TENM3: variants seen among roughly 807,000 people sequenced by gnomAD.
TENM3 encodes the protein teneurin transmembrane protein 3.
In TENM3, 63 loss-of-function variants were observed where a neutral mutation model predicts 255.1. The observed-to-expected ratio is 0.25, with a 90% CI of 0.20 to 0.30. The LOEUF (loss-of-function observed/expected upper bound fraction) is 0.30, where lower values mean the gene tolerates loss of function less well. TENM3 is among the 10% of genes least tolerant of loss of function. The probability of loss-of-function intolerance (pLI) is 1.00; values close to 1 mark genes in which losing one functional copy is unlikely to be tolerated. For missense variants in TENM3, 2,929 were observed against 3,461.1 expected, an observed-to-expected ratio of 0.85 and a Z score of 3.86; for synonymous variants, 1,306 against 1,322.3, an observed-to-expected ratio of 0.99 and a Z score of 0.27.
chr4:181,563,315 T>C, the TENM3 span, among the ~76,000 whole-genome samples: 711 of 152,318 alleles, frequency 4.7e-3, 12 homozygotes, highest in South Asian at 0.055. Context: ...CTCTGATCTC[T>C]GGCTTCATCT....
At chr4:182,283,686 G>A (rs777575044) in intron 1 of TENM3, among the ~76,000 whole-genome samples, 7 of 152,132 alleles carry the variant, frequency 4.6e-5, no homozygotes, top group Non-Finnish European at 8.8e-5. Flanking sequence ...AAAAAGAAGC[G>A]AATCCTTTGA....
intron 3 of TENM3, among the ~76,000 whole-genome samples, chr4:182,439,294 A>T (rs1561447854): frequency 6.6e-6 from 1 of 152,104 alleles, no homozygotes; most frequent in Non-Finnish European, 1.5e-5. Flanking sequence ...CTCTTCTCCT[A>T]TATTACTTAC....
At chr4:181,486,956 T>TA in the TENM3 span, among the ~76,000 whole-genome samples, 1 of 152,134 alleles carries the variant, frequency 6.6e-6, no homozygotes, top group Non-Finnish European at 1.5e-5. Context: ...TGTTTGTGAG[T>TA]AAAAATTTAA....
the TENM3 span, chr4:182,012,647 T>G: frequency 6.6e-6 from 1 of 152,272 alleles, no homozygotes. Flanking sequence ...AAAGTTTTCT[T>G]TAGCAATTTC....
Position 182,628,955 on chromosome 4 carries a change from A to C in TENM3, c.988+66A>C. ...GGTGTTACATTGTTTTATTACTTGT[A>C]TTTATTCATTTGGTCTAGAAATATA... On this transcript the variant is annotated intron_variant, in intron 5 of 27. Transcript: ENST00000511685. 3.2e-6 allele frequency: 3 copies of C among 931,150 alleles called. No individual in the cohort carries two copies. The East Asian group carries it at 7.9e-5, about 25-fold the overall frequency. 57.7% of individuals were successfully genotyped at this position (931,150 alleles called of 1,614,324 possible).
the TENM3 span, among the ~76,000 whole-genome samples, chr4:181,594,108 A>G: frequency 6.6e-6 from 1 of 152,118 alleles, no homozygotes; most frequent in East Asian, 1.9e-4. Flanking sequence ...TGTAAGAAGA[A>G]CCATTTGATT....
At chr4:181,850,548 C>T in the TENM3 span, among the ~76,000 whole-genome samples, 2 of 151,980 alleles carry the variant, frequency 1.3e-5, no homozygotes, top group African/African-American at 2.4e-5. Flanking sequence ...CTTGTTATAT[C>T]GAGAGGTTTT....
intron 1 of TENM3, among the ~76,000 whole-genome samples, chr4:182,158,531 G>A (rs1750874743): frequency 6.6e-6 from 1 of 152,132 alleles, no homozygotes; most frequent in Non-Finnish European, 1.5e-5. Context: ...TACCCATTTT[G>A]GAGGAGAAAA....
At chr4:182,210,443 G>A (rs1242227044) in intron 1 of TENM3, among the ~76,000 whole-genome samples, 3 of 151,856 alleles carry the variant, frequency 2.0e-5, no homozygotes, top group Non-Finnish European at 4.4e-5. Context: ...CAGTATCTCA[G>A]TCCTTCAAAT....
intron 3 of TENM3, among the ~76,000 whole-genome samples, chr4:182,460,704 A>G (rs1299349423): frequency 6.6e-6 from 1 of 152,214 alleles, no homozygotes; most frequent in Non-Finnish European, 1.5e-5. Flanking sequence ...TAAATGTAAG[A>G]GCACAAACCC....
the TENM3 span, among the ~76,000 whole-genome samples, chr4:182,069,886 GGCT>G: frequency 6.6e-6 from 1 of 152,150 alleles, no homozygotes; most frequent in Non-Finnish European, 1.5e-5. Flanking sequence ...CAGTTAAACA[GGCT>G]GTTGTAATGC....
At chr4:181,457,845 A>G in the TENM3 span, among the ~76,000 whole-genome samples, 3 of 151,970 alleles carry the variant, frequency 2.0e-5, no homozygotes, top group Non-Finnish European at 2.9e-5. Flanking sequence ...AAGGTTTCAC[A>G]TAAAGAATAC....
chr4:182,291,954 T>C lies in TENM3; in HGVS notation c.-75-31992T>C, dbSNP rs561149808. Among the ~76,000 whole-genome samples the C allele has an allele frequency of 2.6e-5, 4 of 152,232 alleles. No homozygotes were observed. In the South Asian group the frequency reaches 8.3e-4, roughly 32 times the overall value. ...TTCTATTATTCAGCCCTAGAATGGT[T>C]TTCTTTGTAATCTTATTAAAACTTG... On this transcript the variant is annotated intron_variant, in intron 1 of 27. Coordinates refer to ENST00000511685, the MANE Select transcript of TENM3 (RefSeq NM_001080477.4).
At chr4:182,672,821 T>G (rs1755329820) in intron 6 of TENM3, among the ~76,000 whole-genome samples, 184 bp from the exon 7 acceptor site, 1 of 152,204 alleles carries the variant, frequency 6.6e-6, no homozygotes, top group Admixed American at 6.5e-5. Context: ...AAATCAGAAT[T>G]AGTAAAACAC....
At chr4:181,811,291 C>T in the TENM3 span, among the ~76,000 whole-genome samples, 3 of 152,192 alleles carry the variant, frequency 2.0e-5, no homozygotes, top group Non-Finnish European at 4.4e-5. Context: ...CATATATTTA[C>T]TGTTACTTTT....
intron 19 of TENM3, among the ~76,000 whole-genome samples, chr4:182,750,968 C>T (rs190137445): frequency 7.0e-4 from 106 of 152,262 alleles, no homozygotes; most frequent in African/African-American, 2.5e-3. Flanking sequence ...TCCAATGATA[C>T]GTCATAATTT....
the TENM3 span, among the ~76,000 whole-genome samples, chr4:182,039,402 T>G: frequency 6.6e-6 from 1 of 152,112 alleles, no homozygotes; most frequent in African/African-American, 2.4e-5. Flanking sequence ...ATTGGGTTCA[T>G]CTCTAGCAGT....
intron 12 of TENM3, among the ~76,000 whole-genome samples, chr4:182,713,646 T>C (rs1448862101): frequency 6.6e-6 from 1 of 152,202 alleles, no homozygotes; most frequent in Non-Finnish European, 1.5e-5. Flanking sequence ...TTTGAGGGAA[T>C]TTTTTTAAGC....
intron 13 of TENM3, among the ~76,000 whole-genome samples, chr4:182,723,728 A>G (rs1381567904): frequency 1.3e-5 from 2 of 152,216 alleles, no homozygotes; most frequent in Non-Finnish European, 2.9e-5. Context: ...ATATGACAGG[A>G]TAGAGACCTT....
Sources: allele counts gnomAD v4.1 joint callset (sites outside exome capture counted in the v4.1 genomes callset), GRCh38; gene constraint gnomAD v4.1.1; transcripts MANE v1.5; gene names NCBI Gene and HGNC (gene_info 2026-07-23, HGNC 2026-07-21).